Variants in OLFM2 observed in about 807,000 individuals in gnomAD.
OLFM2 encodes noelin-2.
In OLFM2, 20 loss-of-function variants were observed where a neutral mutation model predicts 43.9. The ratio of observed to expected loss-of-function variants is 0.46; its 90% CI spans 0.32 to 0.66. The LOEUF (loss-of-function observed/expected upper bound fraction) is 0.66. OLFM2 is among the 30% of genes least tolerant of loss of function. The pLI is 0.04. For missense variants in OLFM2, 416 were observed against 643.6 expected, an observed-to-expected ratio of 0.65 and a Z score of 3.83; for synonymous variants, 268 against 278.6, an observed-to-expected ratio of 0.96 and a Z score of 0.38.
At chr19:9,860,836 G>T in intron 1 of OLFM2, 42 bp from the exon 2 acceptor site, 1 of 1,571,132 alleles carries the variant, frequency 6.4e-7, no homozygotes. Flanking sequence ...CCCAGTGAGG[G>T]TCTCGCCTCG....
At position 9,854,744 on chromosome 19, in the gene OLFM2, C is replaced by T. The variant is rs764075369; in HGVS notation, c.807G>A (p.Thr269=). 18 of 1,613,908 alleles carry T rather than the reference C, an allele frequency of 1.1e-5. No homozygotes were observed. The highest frequency in any genetic ancestry group is 4.5e-5 in the East Asian group (2 of 44,862). ...QHLLPQPWAG[T]GHVVYNGSLF... ...GGGAGCCGTTGTACACCACGTGGCC[C>T]GTGCCCGCCCACGGCTGGGGCAGCA... The change falls in exon 6 of 6, where the codon ACG becomes ACA. Residue 269 remains threonine (T), a synonymous_variant. Transcript: ENST00000264833. This position sits in a 1 kb window ranked among gnomAD's most constrained non-coding sequence, Gnocchi z 9.5.
chr19:9,915,444 T>C lies in OLFM2; in HGVS notation c.63+20860A>G, dbSNP rs2046867519. 4.0e-5 allele frequency among the ~76,000 whole-genome samples: 6 copies of C among 151,788 alleles called. 1 individual carries two copies. In the South Asian group the frequency reaches 1.2e-3, roughly 32 times the overall value. On this transcript the variant is annotated intron_variant, in intron 1 of 5. Coordinates refer to ENST00000264833, the MANE Select transcript of OLFM2 (RefSeq NM_058164.4). ...GGAAAAAAGTAAAGTACATAAGATA[T>C]TAGGAGGAAGGGGAAGTAAACTTTA...
chr19:9,934,831 A>G (rs1239273309), intron 1 of OLFM2, among the ~76,000 whole-genome samples: 1 of 152,138 alleles, frequency 6.6e-6, no homozygotes, highest in Non-Finnish European at 1.5e-5. Flanking sequence ...AAATCCTTCT[A>G]TCTGGAGTCT....
At chr19:9,928,640 A>G (rs1332535889) in intron 1 of OLFM2, among the ~76,000 whole-genome samples, 2 of 152,036 alleles carry the variant, frequency 1.3e-5, no homozygotes, top group African/African-American at 4.8e-5. Flanking sequence ...CCCCGTCTCT[A>G]TTAAAAATAC....
intron 1 of OLFM2, among the ~76,000 whole-genome samples, chr19:9,870,320 G>A (rs181165754): frequency 6.6e-6 from 1 of 152,234 alleles, no homozygotes; most frequent in East Asian, 1.9e-4. Flanking sequence ...AAAAGGATCT[G>A]GCAAAGTCTC....
intron 1 of OLFM2, among the ~76,000 whole-genome samples, chr19:9,935,453 G>A (rs1039655632): frequency 6.6e-6 from 1 of 151,986 alleles, no homozygotes; most frequent in Non-Finnish European, 1.5e-5. Context: ...CTTCTGTAAG[G>A]GTATGAATGG....
At chr19:9,877,446 T>C (rs1425261709) in intron 1 of OLFM2, among the ~76,000 whole-genome samples, 3 of 151,862 alleles carry the variant, frequency 2.0e-5, no homozygotes, top group Non-Finnish European at 4.4e-5. Context: ...GGCAGGAGAA[T>C]GGCTGGAACT....
At chr19:9,859,725 A>G (rs2046352423) in intron 2 of OLFM2, among the ~76,000 whole-genome samples, 1 of 152,188 alleles carries the variant, frequency 6.6e-6, no homozygotes, top group Non-Finnish European at 1.5e-5. Flanking sequence ...GTGAACTGCA[A>G]AGCTGGGTGG....
chr19:9,885,524 C>T (rs1162170748), intron 1 of OLFM2, among the ~76,000 whole-genome samples: 4 of 150,784 alleles, frequency 2.7e-5, no homozygotes, highest in Admixed American at 2.0e-4. Flanking sequence ...CTGAGCACGG[C>T]GGCTCATTGC....
intron 1 of OLFM2, among the ~76,000 whole-genome samples, chr19:9,873,455 A>G (rs1025566285): frequency 6.6e-6 from 1 of 151,880 alleles, no homozygotes; most frequent in African/African-American, 2.4e-5. Context: ...CACCTGGCCA[A>G]CATTTTTGGT....
chr19:9,896,401 T>C (rs1283765218), intron 1 of OLFM2, among the ~76,000 whole-genome samples: 2 of 151,992 alleles, frequency 1.3e-5, no homozygotes, highest in Non-Finnish European at 2.9e-5. Flanking sequence ...GCCCAGCCTA[T>C]TTTAATTTTT....
At chr19:9,871,269 T>TA (rs34413780) in intron 1 of OLFM2, among the ~76,000 whole-genome samples, 72,653 of 144,760 alleles carry the variant, frequency 0.5, 18,156 homozygotes, top group African/African-American at 0.6. Flanking sequence ...AGATCCTGTC[T>TA]AAAAAAAAAA....
chr19:9,914,557 T>A (rs1226546482), intron 1 of OLFM2, among the ~76,000 whole-genome samples: 1 of 149,660 alleles, frequency 6.7e-6, no homozygotes, highest in Non-Finnish European at 1.5e-5. Context: ...CACGGAGACC[T>A]GGCACGCGGC....
intron 1 of OLFM2, among the ~76,000 whole-genome samples, chr19:9,921,761 A>C (rs1443533271): frequency 6.6e-6 from 1 of 152,128 alleles, no homozygotes; most frequent in African/African-American, 2.4e-5. Flanking sequence ...CTAGGATTAC[A>C]GGCATGAGCC....
chr19:9,908,710 C>T (rs1304605147), intron 1 of OLFM2, among the ~76,000 whole-genome samples: 1 of 151,852 alleles, frequency 6.6e-6, no homozygotes, highest in Non-Finnish European at 1.5e-5. Context: ...ATCTCCTGAC[C>T]TCGTGATCTG....
At chr19:9,936,189 G>T (rs113632199) in intron 1 of OLFM2, 115 bp downstream of exon 1, 5 of 1,127,582 alleles carry the variant, frequency 4.4e-6, no homozygotes, top group Non-Finnish European at 4.9e-6. Flanking sequence ...GCCCCTCGCC[G>T]CCCTGCAGCT....
At chr19:9,934,186 G>T (rs2086501823) in intron 1 of OLFM2, among the ~76,000 whole-genome samples, 1 of 152,156 alleles carries the variant, frequency 6.6e-6, no homozygotes, top group Non-Finnish European at 1.5e-5. Flanking sequence ...CCTTCCCTGG[G>T]GTGCCAGGCT....
chr19:9,869,980 A>G (rs2046430143), intron 1 of OLFM2, among the ~76,000 whole-genome samples: 1 of 144,196 alleles, frequency 6.9e-6, no homozygotes, highest in South Asian at 2.2e-4. Context: ...CTGCTCTTGA[A>G]CTCCTGGCCT....
At chr19:9,858,030 A>G in intron 2 of OLFM2, 169 bp from the exon 3 acceptor site, 1 of 778,272 alleles carries the variant, frequency 1.3e-6, no homozygotes, top group Non-Finnish European at 2.2e-6. Flanking sequence ...TGCCCAATCC[A>G]TCCATCCATC....
Sources: allele counts gnomAD v4.1 joint callset (sites outside exome capture counted in the v4.1 genomes callset), GRCh38; gene constraint gnomAD v4.1.1; non-coding constraint Gnocchi (gnomAD v3.1); transcripts MANE v1.5; gene names NCBI Gene and HGNC (gene_info 2026-07-23, HGNC 2026-07-21).